Variants in MTUS2 observed in about 807,000 individuals in gnomAD.
MTUS2 encodes the protein microtubule-associated tumor suppressor candidate 2.
Under a neutral mutation model 114.1 loss-of-function variants are expected in MTUS2, and 40 were observed. The ratio of observed to expected loss-of-function variants is 0.35; its 90% CI spans 0.27 to 0.46. The LOEUF (loss-of-function observed/expected upper bound fraction) is 0.46, where lower values mean the gene tolerates loss of function less well. MTUS2 is among the 20% of genes least tolerant of loss of function. The pLI is 1.00. For synonymous variants in MTUS2, 688 were observed against 672.0 expected (o/e 1.02, Z -0.37); for missense variants, 1,679 against 1,705.4 (o/e 0.98, Z 0.27).
chr13:29,125,313 G>C (rs1334696024), intron 5 of MTUS2, among the ~76,000 whole-genome samples: 1 of 152,124 alleles, frequency 6.6e-6, no homozygotes, highest in East Asian at 1.9e-4. Context: ...GTATGTGATA[G>C]GCATCACATT....
At chr13:28,871,003 T>G (rs993512982) in intron 2 of MTUS2, among the ~76,000 whole-genome samples, 2 of 152,146 alleles carry the variant, frequency 1.3e-5, no homozygotes, top group Non-Finnish European at 2.9e-5. Context: ...GGCTAAGTGT[T>G]GGGAATAGAA....
At chr13:29,098,944 A>G (rs1052806948) in intron 4 of MTUS2, among the ~76,000 whole-genome samples, 16 of 152,250 alleles carry the variant, frequency 1.1e-4, no homozygotes, top group Admixed American at 9.8e-4. Context: ...TTAAAATAGT[A>G]TCAAAGTGTA....
intron 5 of MTUS2, among the ~76,000 whole-genome samples, chr13:29,162,273 C>T (rs945359869): frequency 2.6e-5 from 4 of 152,146 alleles, no homozygotes; most frequent in Non-Finnish European, 4.4e-5. Context: ...TCTGGGTGAA[C>T]GTGAATTTTA....
chr13:29,486,763 G>A (rs1250864991), intron 10 of MTUS2, among the ~76,000 whole-genome samples: 2 of 152,196 alleles, frequency 1.3e-5, no homozygotes, highest in Admixed American at 6.5e-5. Flanking sequence ...TTGGTTTTGG[G>A]TATGGTTGTG....
intron 5 of MTUS2, among the ~76,000 whole-genome samples, chr13:29,173,150 T>C (rs182755077): frequency 1.3e-5 from 2 of 152,282 alleles, no homozygotes; most frequent in East Asian, 1.9e-4. Context: ...CTTATTGATA[T>C]TTGGTATGTT....
At chr13:28,905,856 A>C (rs1879971193) in intron 2 of MTUS2, among the ~76,000 whole-genome samples, 1 of 151,594 alleles carries the variant, frequency 6.6e-6, no homozygotes, top group African/African-American at 2.4e-5. Context: ...TACCTCTGGT[A>C]GAATTTGGCT....
intron 1 of MTUS2, among the ~76,000 whole-genome samples, chr13:28,835,698 T>A (rs1244035420): frequency 6.6e-6 from 1 of 152,236 alleles, no homozygotes; most frequent in Non-Finnish European, 1.5e-5. Flanking sequence ...TTGTTTATCT[T>A]CATTTCTGAG....
chr13:29,266,111 T>C, intron 5 of MTUS2, among the ~76,000 whole-genome samples: 1 of 152,162 alleles, frequency 6.6e-6, no homozygotes, highest in East Asian at 1.9e-4. Context: ...ACTGATGGGC[T>C]GTGACTAAGG....
chr13:29,213,120 TC>T (rs760761183), intron 5 of MTUS2, among the ~76,000 whole-genome samples: 1 of 152,212 alleles, frequency 6.6e-6, no homozygotes, highest in Non-Finnish European at 1.5e-5. Context: ...TCTTCTAGCA[TC>T]CATATCACTC....
chr13:28,923,005 C>T (rs1418342375), intron 2 of MTUS2, among the ~76,000 whole-genome samples: 1 of 152,150 alleles, frequency 6.6e-6, no homozygotes, highest in Non-Finnish European at 1.5e-5. Flanking sequence ...TCTGTTGTCG[C>T]ACAGGTGCTC....
intron 2 of MTUS2, among the ~76,000 whole-genome samples, chr13:28,935,215 G>A (rs1330989708): frequency 6.6e-6 from 1 of 151,878 alleles, no homozygotes; most frequent in African/African-American, 2.4e-5. Context: ...AGGGACATTC[G>A]GGTTGTTTCT....
chr13:29,497,428 CCTCT>C (rs1214735265), intron 13 of MTUS2, 92 bp downstream of exon 13: 5 of 1,106,924 alleles, frequency 4.5e-6, no homozygotes, highest in Non-Finnish European at 1.3e-6. Flanking sequence ...CAAGACAAGG[CCTCT>C]CTGTGAATCC....
At chr13:29,436,500 T>C (rs1247754435) in intron 8 of MTUS2, among the ~76,000 whole-genome samples, 2 of 152,190 alleles carry the variant, frequency 1.3e-5, no homozygotes, top group African/African-American at 4.8e-5. Flanking sequence ...CTGTAGTAAT[T>C]AGTAAATAAT....
intron 6 of MTUS2, among the ~76,000 whole-genome samples, chr13:29,321,080 T>A (rs912783549): frequency 1.3e-5 from 2 of 152,178 alleles, no homozygotes; most frequent in Admixed American, 1.3e-4. Flanking sequence ...ATTTGGCAGC[T>A]GAAAACAGGT....
intron 3 of MTUS2, among the ~76,000 whole-genome samples, chr13:29,032,934 TTC>T (rs781476760): frequency 6.6e-6 from 1 of 152,232 alleles, no homozygotes; most frequent in Non-Finnish European, 1.5e-5. Context: ...GTTTATTTAG[TTC>T]TCTCTCTTTT....
At chr13:28,926,884 A>T (rs1421396152) in intron 2 of MTUS2, among the ~76,000 whole-genome samples, 3 of 152,212 alleles carry the variant, frequency 2.0e-5, no homozygotes, top group Non-Finnish European at 4.4e-5. Flanking sequence ...AATAATAGTT[A>T]AAAAATAATG....
chr13:28,848,937 C>T (rs1242520871), intron 2 of MTUS2, among the ~76,000 whole-genome samples: 3 of 152,178 alleles, frequency 2.0e-5, no homozygotes, highest in Non-Finnish European at 2.9e-5. Flanking sequence ...GATCTTACCA[C>T]CCCAAATGCC....
intron 2 of MTUS2, among the ~76,000 whole-genome samples, chr13:28,994,587 G>A (rs915157571): frequency 3.9e-5 from 6 of 152,104 alleles, no homozygotes; most frequent in East Asian, 1.9e-4. Flanking sequence ...TTTAGTGATC[G>A]CTATTCTAAA....
intron 9 of MTUS2, among the ~76,000 whole-genome samples, chr13:29,441,055 G>A (rs1337794438): frequency 1.3e-5 from 2 of 152,086 alleles, no homozygotes; most frequent in Non-Finnish European, 2.9e-5. Flanking sequence ...GTCTGCAATG[G>A]TCTCTTCTCC....
Sources: allele counts gnomAD v4.1 joint callset (sites outside exome capture counted in the v4.1 genomes callset), GRCh38; gene constraint gnomAD v4.1.1; transcripts MANE v1.5; gene names NCBI Gene and HGNC (gene_info 2026-07-23, HGNC 2026-07-21).